The following GTF2H5 variants were observed in gnomAD, a reference collection of about 807,000 sequenced individuals.
The protein encoded by GTF2H5 is TFB5 ortholog.
In GTF2H5, 5 loss-of-function variants were observed where a neutral mutation model predicts 7.1. The observed-to-expected ratio is 0.71, with a 90% CI of 0.37 to 1.49. The LOEUF (loss-of-function observed/expected upper bound fraction) is 1.49, where lower values mean the gene tolerates loss of function less well. Ranked by LOEUF, GTF2H5 falls within the 40% of genes most tolerant of loss-of-function variation. GTF2H5 has a pLI of 0.03. For missense variants in GTF2H5, 80 were observed against 83.0 expected (o/e 0.96, Z 0.14); for synonymous variants, 30 against 31.7 (o/e 0.95, Z 0.18).
chr6:158,179,916 G>A (rs80053468), intron 2 of GTF2H5, among the ~76,000 whole-genome samples: 12 of 151,944 alleles, frequency 7.9e-5, no homozygotes, highest in Admixed American at 3.3e-4. Flanking sequence ...GTCTTGTGCC[G>A]GTTTTCAAAG....
chr6:158,183,730 G>C (rs1000995211), intron 2 of GTF2H5, among the ~76,000 whole-genome samples: 4 of 152,208 alleles, frequency 2.6e-5, no homozygotes, highest in African/African-American at 9.6e-5. Flanking sequence ...GGGATCTCCT[G>C]GTCCGCTTGT....
intron 1 of GTF2H5, among the ~76,000 whole-genome samples, chr6:158,169,930 G>T (rs1355098390): frequency 6.7e-6 from 1 of 149,832 alleles, no homozygotes; most frequent in Non-Finnish European, 1.5e-5. Context: ...TGAGGTGGGA[G>T]GATCGCTTGA....
chr6:158,179,489 T>G (rs1302380620), intron 2 of GTF2H5, among the ~76,000 whole-genome samples: 3 of 152,178 alleles, frequency 2.0e-5, no homozygotes, highest in Non-Finnish European at 4.4e-5. Context: ...CATGGAATGT[T>G]TTTCCCTTTG....
chr6:158,197,748 T>G lies in GTF2H5; in HGVS notation c.*5591T>G, dbSNP rs1468956451. The G allele has an allele frequency of 6.6e-6, 1 of 152,116 alleles. No individual in the cohort carries two copies. The highest frequency in any genetic ancestry group is 1.5e-5 in the Non-Finnish European group (1 of 67,992). 9.4% of individuals were successfully genotyped at this position (152,116 alleles called of 1,614,324 possible). A position where few individuals can be genotyped will look rare whatever the true frequency, so the allele number is the denominator to read the frequency against. On this transcript the variant is annotated 3_prime_UTR_variant, in exon 3 of 3. Coordinates refer to ENST00000607778, the MANE Select transcript of GTF2H5 (RefSeq NM_207118.3). ...ATTCCTCTCATAAAGCAAGGGCAGT[T>G]TAGCTAGAATTTCTATCAAAAATCA...
intron 2 of GTF2H5, among the ~76,000 whole-genome samples, chr6:158,175,044 G>GTA (rs1554267664): frequency 1.7e-4 from 24 of 142,850 alleles, no homozygotes; most frequent in African/African-American, 5.6e-4. Flanking sequence ...GTGTGTGTGT[G>GTA]TATACACACA....
At chr6:158,180,423 C>G (rs570029878) in intron 2 of GTF2H5, among the ~76,000 whole-genome samples, 1 of 152,064 alleles carries the variant, frequency 6.6e-6, no homozygotes, top group African/African-American at 2.4e-5. Context: ...TTCTGTTGAT[C>G]GGAATAGTTT....
chr6:158,169,490 GTATATTA>G (rs1785745514), intron 1 of GTF2H5, among the ~76,000 whole-genome samples: 1 of 42,290 alleles, frequency 2.4e-5, no homozygotes, highest in South Asian at 7.6e-4. Flanking sequence ...ATAATATATT[GTATATTA>G]TATAATATAT....
At chr6:158,191,683 C>T (rs1298054668) in intron 2 of GTF2H5, among the ~76,000 whole-genome samples, 2 of 152,104 alleles carry the variant, frequency 1.3e-5, no homozygotes, top group African/African-American at 2.4e-5. Context: ...GGGGTTTCAC[C>T]GTGTTAGCCA....
chr6:158,169,397 T>TATAA (rs1379960506), intron 1 of GTF2H5, among the ~76,000 whole-genome samples: 1 of 77,638 alleles, frequency 1.3e-5, no homozygotes, highest in Non-Finnish European at 2.2e-5. Context: ...ATATATAATA[T>TATAA]TATATTGTAT....
intron 2 of GTF2H5, among the ~76,000 whole-genome samples, chr6:158,187,443 T>C (rs1583636893): frequency 1.3e-5 from 2 of 152,162 alleles, no homozygotes; most frequent in East Asian, 1.9e-4. Flanking sequence ...AGAAACATAT[T>C]TTGGTGTAAA....
At position 158,192,306 on chromosome 6, in the gene GTF2H5, A is replaced by C. The variant is rs79076913; in HGVS notation, c.*149A>C. ...AGGGATCATGATCATTTGTTCAGAA[A>C]AAAAGCCCCTGAACTGATTTTGTTA... On this transcript the variant is annotated 3_prime_UTR_variant, in exon 3 of 3. Coordinates refer to ENST00000607778, the MANE Select transcript of GTF2H5 (RefSeq NM_207118.3). The C allele has an allele frequency of 7.0e-5, 46 of 657,502 alleles. No homozygotes were observed. The highest frequency in any genetic ancestry group is 1.1e-4 in the Non-Finnish European group (42 of 371,678). 40.7% of individuals were successfully genotyped at this position (657,502 alleles called of 1,614,324 possible).
At chr6:158,170,885 A>G (rs1486166062) in intron 2 of GTF2H5, among the ~76,000 whole-genome samples, 2 of 152,210 alleles carry the variant, frequency 1.3e-5, no homozygotes, top group Non-Finnish European at 2.9e-5. Flanking sequence ...AAAAAGAGAA[A>G]AACAACAGAG....
intron 1 of GTF2H5, among the ~76,000 whole-genome samples, chr6:158,169,702 A>G (rs1244049902): frequency 1.1e-5 from 1 of 89,296 alleles, no homozygotes; most frequent in Non-Finnish European, 2.0e-5. Context: ...ATTATATAAT[A>G]TATTGTATAT....
intron 1 of GTF2H5, among the ~76,000 whole-genome samples, chr6:158,169,411 A>G (rs868000697): frequency 0.023 from 2,055 of 88,802 alleles, 254 homozygotes; most frequent in African/African-American, 0.11. Context: ...ATTGTATATT[A>G]TATATTATAT....
chr6:158,174,904 C>A (rs1020425969), intron 2 of GTF2H5, among the ~76,000 whole-genome samples: 1 of 152,036 alleles, frequency 6.6e-6, no homozygotes, highest in South Asian at 2.1e-4. Flanking sequence ...CCAGTCTAAC[C>A]ATTGTTCTGT....
intron 1 of GTF2H5, among the ~76,000 whole-genome samples, chr6:158,169,476 ATATATAATATATTGTATAT>A (rs1373040521): frequency 7.6e-4 from 58 of 76,020 alleles, no homozygotes; most frequent in African/African-American, 2.0e-3. Context: ...ATTGTATATT[ATATATAATATATTGTATAT>A]TATATAATAT....
intron 2 of GTF2H5, among the ~76,000 whole-genome samples, chr6:158,173,366 G>C (rs1309751236): frequency 6.6e-6 from 1 of 152,128 alleles, no homozygotes; most frequent in Non-Finnish European, 1.5e-5. Flanking sequence ...AAATAACATA[G>C]ATTCCCAAAG....
chr6:158,187,692 C>T (rs973421415), intron 2 of GTF2H5, among the ~76,000 whole-genome samples: 6 of 151,998 alleles, frequency 3.9e-5, no homozygotes, highest in Admixed American at 6.5e-5. Context: ...CTCAGCCTCC[C>T]GAGTAGCTGG....
intron 2 of GTF2H5, among the ~76,000 whole-genome samples, chr6:158,171,553 G>A (rs1421660479): frequency 2.0e-5 from 3 of 152,174 alleles, no homozygotes; most frequent in Admixed American, 6.5e-5. Context: ...AGGGATGAGC[G>A]GCTGTGTTGG....
Sources: gnomAD v4.1 joint callset for allele counts (sites outside exome capture counted in the v4.1 genomes callset) on GRCh38, gnomAD v4.1.1 for gene constraint, MANE v1.5 for transcripts, NCBI Gene and HGNC (gene_info 2026-07-23, HGNC 2026-07-21) for gene names.